MIX23: variants seen among roughly 807,000 people sequenced by gnomAD.
The protein encoded by MIX23 is mitochondrial matrix import factor 23, also known as protein MIX23.
In MIX23, 13 loss-of-function variants were observed where a neutral mutation model predicts 21.6. The ratio of observed to expected loss-of-function variants is 0.60; its 90% CI spans 0.39 to 0.96. MIX23 has a LOEUF of 0.96. Ranked by LOEUF, MIX23 falls within the 40% of genes least tolerant of loss-of-function variation. The pLI is 0.00. For missense variants in MIX23, 144 were observed against 171.2 expected, an observed-to-expected ratio of 0.84 and a Z score of 0.89; for synonymous variants, 59 against 58.0, an observed-to-expected ratio of 1.02 and a Z score of -0.08.
rs567371879 is a variant in MIX23, at chr3:122,383,207, G to T, written c.18C>A (p.Gly6=). 2.4e-5 allele frequency: 39 copies of T among 1,612,996 alleles called. No individual in the cohort carries two copies. Among genetic ancestry groups the T allele is most frequent in the Non-Finnish European group, 3.3e-5 (39 of 1,180,024 alleles). The part of the protein sequence containing the change: MAAPS[G]GVNCEEFAEF... Reference sequence around the variant, plus strand: ...CGGCGAACTCCTCACAGTTCACACCGCCACTGGGCGCCGCCATATTGGACA... The same window carrying T: ...CGGCGAACTCCTCACAGTTCACACCTCCACTGGGCGCCGCCATATTGGACA... The change falls in exon 1 of 5, where the codon GGC becomes GGA. Residue 6 remains glycine (G), a synonymous_variant. Transcript: ENST00000291458.
chr3:122,378,171 C>T (rs1477782751), intron 1 of MIX23, among the ~76,000 whole-genome samples: 1 of 152,168 alleles, frequency 6.6e-6, no homozygotes, highest in African/African-American at 2.4e-5. Flanking sequence ...GAGTAGGTGT[C>T]AAAAGATCAG....
chr3:122,368,056 T>G, intron 3 of MIX23, 120 bp downstream of exon 3: 2 of 817,784 alleles, frequency 2.4e-6, no homozygotes, highest in East Asian at 5.0e-5. Flanking sequence ...CACTAATCTC[T>G]TGATCATTTT....
At chr3:122,363,992 G>C (rs1434010330) in intron 3 of MIX23, among the ~76,000 whole-genome samples, 1 of 152,142 alleles carries the variant, frequency 6.6e-6, no homozygotes, top group African/African-American at 2.4e-5. Flanking sequence ...ACACCAGGAC[G>C]ATTTCCTCAG....
At chr3:122,364,571 T>C (rs2075382584) in intron 3 of MIX23, among the ~76,000 whole-genome samples, 2 of 152,172 alleles carry the variant, frequency 1.3e-5, no homozygotes, top group African/African-American at 2.4e-5. Context: ...TACTTATATA[T>C]CATGGGAGCA....
At chr3:122,382,848 T>C (rs1021871348) in intron 1 of MIX23, among the ~76,000 whole-genome samples, 3 of 152,226 alleles carry the variant, frequency 2.0e-5, no homozygotes, top group Non-Finnish European at 4.4e-5. Context: ...TGGCAGAAGC[T>C]GGAAACTGAG....
At chr3:122,379,482 C>A (rs1359728478) in intron 1 of MIX23, among the ~76,000 whole-genome samples, 1 of 152,180 alleles carries the variant, frequency 6.6e-6, no homozygotes, top group East Asian at 1.9e-4. Flanking sequence ...GGGCTGCCCT[C>A]ACACATTGTG....
intron 1 of MIX23, among the ~76,000 whole-genome samples, chr3:122,380,667 A>C (rs1355180502): frequency 6.6e-6 from 1 of 152,246 alleles, no homozygotes. Context: ...AAAAGGTCTT[A>C]TATGCCATGT....
rs1313803676 is a variant in MIX23 at position 122,362,988 on chromosome 3, C to T, written c.364G>A (p.Val122Ile). ...TATACCTTCCAGCTCCTGTCATTTA[C>T]CACTTCTTCAACATTCAGTTCTGAC... is the stretch of plus-strand genomic sequence containing the variant. ...MQSELNVEEV[V>I]NDRSWKVFNE... Residue 122 changes from valine to isoleucine, a missense_variant, in exon 4 of 5, where the codon GTA (valine) becomes ATA (isoleucine). Val to Ile is a conservative substitution (Grantham distance 29). Coordinates refer to ENST00000291458, the MANE Select transcript of MIX23 (RefSeq NM_001017928.4). 1 of 1,613,260 alleles carries T rather than the reference C, an allele frequency of 6.2e-7. No individual in the cohort carries two copies. The highest frequency in any genetic ancestry group is 8.5e-7 in the Non-Finnish European group (1 of 1,179,586).
At chr3:122,366,238 C>A (rs2075395837) in intron 3 of MIX23, among the ~76,000 whole-genome samples, 1 of 151,950 alleles carries the variant, frequency 6.6e-6, no homozygotes, top group African/African-American at 2.4e-5. Context: ...TATATGCCTT[C>A]ATGAACAGCA....
intron 2 of MIX23, 109 bp downstream of exon 2, chr3:122,371,566 G>T (rs1345721778): frequency 1.8e-5 from 24 of 1,307,082 alleles, no homozygotes; most frequent in Non-Finnish European, 2.6e-5. Context: ...TATAGGCAAA[G>T]AAAAGATGTC....
At chr3:122,381,731 A>T (rs1238650772) in intron 1 of MIX23, among the ~76,000 whole-genome samples, 2 of 66,950 alleles carry the variant, frequency 3.0e-5, no homozygotes, top group Non-Finnish European at 4.3e-5. Context: ...AAAAAAATAA[A>T]AAAAAAAAAA....
chr3:122,372,642 AT>A (rs1264754580), intron 1 of MIX23, among the ~76,000 whole-genome samples: 5 of 152,110 alleles, frequency 3.3e-5, no homozygotes, highest in African/African-American at 1.2e-4. Context: ...AATGACAGAC[AT>A]AGTGAGACCC....
intron 2 of MIX23, 103 bp from the exon 3 acceptor site, chr3:122,368,425 T>C: frequency 8.7e-7 from 1 of 1,143,276 alleles, no homozygotes; most frequent in Non-Finnish European, 1.2e-6. Context: ...TTCAATACTT[T>C]CTAAAACAAT....
At chr3:122,365,131 A>T (rs1377438260) in intron 3 of MIX23, among the ~76,000 whole-genome samples, 4 of 152,204 alleles carry the variant, frequency 2.6e-5, no homozygotes, top group Admixed American at 2.0e-4. Flanking sequence ...GGCCACTAAC[A>T]TGTGACAGCA....
chr3:122,363,158 G>C, intron 3 of MIX23, 131 bp from the exon 4 acceptor site: 1 of 676,990 alleles, frequency 1.5e-6, no homozygotes, highest in Non-Finnish European at 2.5e-6. Flanking sequence ...TAGTATTTTT[G>C]TCTGTTAATG....
intron 3 of MIX23, among the ~76,000 whole-genome samples, chr3:122,367,322 C>T (rs1202572926): frequency 6.6e-6 from 1 of 152,088 alleles, no homozygotes; most frequent in Non-Finnish European, 1.5e-5. Context: ...AAAAGTTACC[C>T]CCTAAGAGTC....
rs527562300 is a variant in MIX23 at position 122,359,830 on chromosome 3, TA to T, written c.*38del. On this transcript the variant is annotated 3_prime_UTR_variant, in exon 5 of 5. Transcript: ENST00000291458. ...AGCTCTTATGAGATGACCCAGTCCTTAAAAAAAAAAAAAAAAAAAAAAAAAA... is the reference window on the plus strand; with the variant it reads ...AGCTCTTATGAGATGACCCAGTCCTTAAAAAAAAAAAAAAAAAAAAAAAAA... 0.012 allele frequency: 12,104 copies of T among 1,002,356 alleles called. No homozygotes were observed. Among genetic ancestry groups the T allele is most frequent in the South Asian group, 0.016 (896 of 55,794 alleles). The allele number at this position is 1,002,356 out of a possible 1,614,324, so 62.1% of individuals were successfully genotyped here.
intron 4 of MIX23, 99 bp from the exon 5 acceptor site, chr3:122,360,018 T>C (rs2075346537): frequency 8.5e-7 from 1 of 1,176,378 alleles, no homozygotes; most frequent in African/African-American, 1.6e-5. Flanking sequence ...GCTATTACCA[T>C]TTTTGTCCTA....
Position 122,383,007 on chromosome 3 carries a change from G to C in MIX23, c.51+167C>G, listed in dbSNP as rs1287974091. On this transcript the variant is annotated intron_variant, in intron 1 of 4. Coordinates refer to ENST00000291458, the MANE Select transcript of MIX23 (RefSeq NM_001017928.4). ...CTCCCTCCTCCTACAGAGCAGCCTCGCTCCCTAAGGCCAAACCCGCGCCCC... is the reference window on the plus strand; with the variant it reads ...CTCCCTCCTCCTACAGAGCAGCCTCCCTCCCTAAGGCCAAACCCGCGCCCC... 3.7e-6 allele frequency: 3 copies of C among 802,278 alleles called. No individual in the cohort carries two copies. The East Asian group carries it at 7.8e-5, about 21-fold the overall frequency. The allele number at this position is 802,278 out of a possible 1,614,324, so 49.7% of individuals were successfully genotyped here.
Sources: gnomAD v4.1 joint callset for allele counts (sites outside exome capture counted in the v4.1 genomes callset) on GRCh38, gnomAD v4.1.1 for gene constraint, MANE v1.5 for transcripts, NCBI Gene and HGNC (gene_info 2026-07-23, HGNC 2026-07-21) for gene names.